LUZP4: variants seen among roughly 807,000 people sequenced by gnomAD.
LUZP4 encodes leucine zipper protein 4.
Under a neutral mutation model 8.5 loss-of-function variants are expected in LUZP4, and 11 were observed. That is an observed-to-expected ratio of 1.30 (90% CI 0.82 to 2.14). The LOEUF is 2.14. Ranked by LOEUF, LUZP4 falls within the 30% of genes most tolerant of loss-of-function variation. The pLI, the probability that LUZP4 is intolerant of heterozygous loss-of-function variation, is 0.00. For missense variants in LUZP4, 276 were observed against 229.7 expected (o/e 1.20, Z -1.30); for synonymous variants, 104 against 79.4 (o/e 1.31, Z -1.65).
rs1412449762 is a variant in LUZP4, at chrX:115,306,448, A to C, written c.586A>C (p.Arg196=). 6 of 1,209,765 alleles carry C rather than the reference A, an allele frequency of 5.0e-6. No homozygotes were observed. The highest frequency in any genetic ancestry group is 6.7e-6 in the Non-Finnish European group (6 of 895,150). The part of the protein sequence containing the change: ...QYERSHGQYK[R]SHGQSERSHG... ...TGAGAGATCTCATGGCCAATACAAG[A>C]GATCTCATGGTCAATCTGAGAGATC... The change falls in exon 4 of 4, where the codon AGA becomes CGA. Residue 196 remains arginine, a synonymous_variant. Coordinates refer to ENST00000371920, the MANE Select transcript of LUZP4 (RefSeq NM_016383.5).
intron 1 of LUZP4, among the ~76,000 whole-genome samples, chrX:115,296,402 G>A (rs2073370910): frequency 9.0e-6 from 1 of 111,101 alleles, no homozygotes; most frequent in African/African-American, 3.3e-5. Flanking sequence ...GTCTCTCCTT[G>A]AGAGATTGGC....
At chrX:115,293,467 C>T (rs1371712968) in intron 1 of LUZP4, among the ~76,000 whole-genome samples, 5 of 109,612 alleles carry the variant, frequency 4.6e-5, no homozygotes, top group Non-Finnish European at 7.6e-5. Flanking sequence ...TTTGTAGAGA[C>T]GGGTTCTCAC....
At chrX:115,294,535 GC>G (rs2073362367) in intron 1 of LUZP4, among the ~76,000 whole-genome samples, 1 of 111,768 alleles carries the variant, frequency 8.9e-6, no homozygotes, top group Admixed American at 9.5e-5. Flanking sequence ...CAGCAATTTG[GC>G]AAGCTGGAGA....
rs202050021 is a variant in LUZP4 at position 115,303,462 on chromosome X, T to C, written c.342+44T>C. On this transcript the variant is annotated intron_variant, in intron 3 of 3. Transcript: ENST00000371920. ...TTAACCAATATTAAAAATCCTACAT[T>C]TACTATATTTCCTAATATTAATGAT... 1.8e-5 allele frequency: 12 copies of C among 680,546 alleles called. No individual in the cohort carries two copies. The East Asian group carries it at 3.3e-4, about 19-fold the overall frequency. 56.1% of individuals were successfully genotyped at this position (680,546 alleles called of 1,213,427 possible).
intron 1 of LUZP4, among the ~76,000 whole-genome samples, chrX:115,298,113 G>T (rs2073379026): frequency 9.2e-6 from 1 of 108,470 alleles, no homozygotes; most frequent in Admixed American, 1.0e-4. Flanking sequence ...CTGTCACCCA[G>T]GCTGGAGTGC....
At chrX:115,294,045 T>C (rs2073360467) in intron 1 of LUZP4, among the ~76,000 whole-genome samples, 1 of 112,256 alleles carries the variant, frequency 8.9e-6, no homozygotes, top group African/African-American at 3.2e-5. Context: ...TCCTTGAATT[T>C]TGTGCCTGAA....
intron 1 of LUZP4, among the ~76,000 whole-genome samples, chrX:115,290,149 G>A (rs2073342188): frequency 9.0e-6 from 1 of 111,269 alleles, no homozygotes; most frequent in Non-Finnish European, 1.9e-5. Flanking sequence ...GGCAGGCGGA[G>A]AAAATAGACC....
chrX:115,290,548 C>A (rs1757577353), intron 1 of LUZP4, among the ~76,000 whole-genome samples: 1 of 111,382 alleles, frequency 9.0e-6, no homozygotes, highest in South Asian at 3.8e-4. Flanking sequence ...CTCCTCCATT[C>A]GCACCAAACC....
At chrX:115,298,485 T>C (rs1157588851) in intron 1 of LUZP4, among the ~76,000 whole-genome samples, 5 of 112,701 alleles carry the variant, frequency 4.4e-5, no homozygotes, top group African/African-American at 1.3e-4. Context: ...TCATTGTTTG[T>C]TTGTTTTTTC....
intron 1 of LUZP4, among the ~76,000 whole-genome samples, chrX:115,291,883 C>T (rs998765603): frequency 3.6e-4 from 40 of 110,163 alleles, no homozygotes; most frequent in African/African-American, 1.1e-3. Flanking sequence ...GATCGCCCCA[C>T]TGCACTCCAG....
intron 1 of LUZP4, among the ~76,000 whole-genome samples, chrX:115,293,822 G>C (rs912339113): frequency 3.7e-5 from 4 of 109,029 alleles, no homozygotes; most frequent in Non-Finnish European, 7.6e-5. Context: ...GTGGAGGCAG[G>C]CGCCTGTAGT....
rs1556603659 is a variant in LUZP4 at position 115,306,197 on chromosome X, C to T, written c.343-8C>T. ...TCATTTGTTTTGAATAATTGGGATC[C>T]TTTTCAGGAGAAGTGCAGTGACAAT... On this transcript the variant is annotated splice_polypyrimidine_tract_variant and splice_region_variant and intron_variant, in intron 3 of 3. Coordinates refer to ENST00000371920, the MANE Select transcript of LUZP4 (RefSeq NM_016383.5). 8.3e-7 allele frequency: 1 copy of T among 1,199,618 alleles called. No homozygotes were observed. The highest frequency in any genetic ancestry group is 1.1e-6 in the Non-Finnish European group (1 of 889,360).
intron 1 of LUZP4, among the ~76,000 whole-genome samples, chrX:115,295,622 A>C (rs952687595): frequency 8.9e-6 from 1 of 111,742 alleles, no homozygotes; most frequent in Admixed American, 9.5e-5. Context: ...CTAAAGTAGG[A>C]AAAGGCTCTA....
At chrX:115,300,190 C>T (rs1296025813) in intron 1 of LUZP4, among the ~76,000 whole-genome samples, 2 of 111,512 alleles carry the variant, frequency 1.8e-5, no homozygotes, top group Non-Finnish European at 3.8e-5. Flanking sequence ...TTGGCTGCCC[C>T]AGCTGGTGTC....
intron 1 of LUZP4, among the ~76,000 whole-genome samples, chrX:115,294,611 A>G (rs2073362552): frequency 8.9e-6 from 1 of 112,043 alleles, no homozygotes; most frequent in Admixed American, 9.5e-5. Context: ...GAAAGAGATT[A>G]AAAACCATCT....
At chrX:115,301,482 C>T (rs1371402360) in intron 1 of LUZP4, among the ~76,000 whole-genome samples, 1 of 112,217 alleles carries the variant, frequency 8.9e-6, no homozygotes, top group Non-Finnish European at 1.9e-5. Context: ...CTTCTATGAA[C>T]TTCCATCACC....
At chrX:115,295,995 A>G (rs1556598816) in intron 1 of LUZP4, among the ~76,000 whole-genome samples, 4 of 112,080 alleles carry the variant, frequency 3.6e-5, no homozygotes, top group African/African-American at 1.3e-4. Flanking sequence ...AATATGTGCA[A>G]TTATACATTG....
At chrX:115,296,992 G>C (rs1556599302) in intron 1 of LUZP4, among the ~76,000 whole-genome samples, 1 of 111,075 alleles carries the variant, frequency 9.0e-6, no homozygotes, top group East Asian at 2.8e-4. Flanking sequence ...ATATATTTAT[G>C]GGGTACATGA....
At chrX:115,299,819 C>G (rs1250963975) in intron 1 of LUZP4, among the ~76,000 whole-genome samples, 1 of 111,648 alleles carries the variant, frequency 9.0e-6, no homozygotes, top group East Asian at 2.8e-4. Context: ...GCCAGCAAGT[C>G]TCGGAGTCTC....
Sources: allele counts gnomAD v4.1 joint callset (sites outside exome capture counted in the v4.1 genomes callset), GRCh38; gene constraint gnomAD v4.1.1; transcripts MANE v1.5; gene names NCBI Gene and HGNC (gene_info 2026-07-23, HGNC 2026-07-21).